DZIP1L: variants seen among roughly 807,000 people sequenced by gnomAD.
DZIP1L encodes DAZ interacting zinc finger protein 1 like, also known as cilium assembly protein DZIP1L.
Under a neutral mutation model 88.7 loss-of-function variants are expected in DZIP1L, and 90 were observed. The observed-to-expected ratio is 1.02, with a 90% CI of 0.86 to 1.21. The LOEUF is 1.21. Among genes scored for constraint, DZIP1L ranks in the 50% most tolerant of loss-of-function variants. The pLI is 0.00. For synonymous variants in DZIP1L, 363 were observed against 372.1 expected (o/e 0.98, Z 0.28); for missense variants, 932 against 955.8 (o/e 0.98, Z 0.33).
At chr3:138,102,904 A>G in intron 2 of DZIP1L, 2 of 592,982 alleles carry the variant, frequency 3.4e-6, no homozygotes. Context: ...CTTCTGGGTC[A>G]CCCTGATGAA....
At chr3:138,066,427 G>T (rs1025662297) in intron 14 of DZIP1L, among the ~76,000 whole-genome samples, 1 of 152,016 alleles carries the variant, frequency 6.6e-6, no homozygotes, top group Admixed American at 6.6e-5. Flanking sequence ...AGCTCTTTCT[G>T]GGGGGAAAAA....
intron 3 of DZIP1L, among the ~76,000 whole-genome samples, chr3:138,095,896 T>A (rs1263766068): frequency 2.0e-5 from 3 of 152,180 alleles, no homozygotes; most frequent in African/African-American, 7.2e-5. Flanking sequence ...AGATTCAGAA[T>A]GAATTATAAA....
intron 2 of DZIP1L, among the ~76,000 whole-genome samples, chr3:138,099,529 A>G (rs1944629199): frequency 6.6e-6 from 1 of 152,178 alleles, no homozygotes; most frequent in African/African-American, 2.4e-5. Context: ...AAGAGTGTCT[A>G]CTATTGTTTG....
At chr3:138,067,272 C>G in intron 14 of DZIP1L, among the ~76,000 whole-genome samples, 1 of 152,212 alleles carries the variant, frequency 6.6e-6, no homozygotes, top group East Asian at 1.9e-4. Flanking sequence ...CAACCTCCCA[C>G]AGTTAACAAT....
chr3:138,079,308 T>C (rs1238058671), intron 10 of DZIP1L, among the ~76,000 whole-genome samples: 6 of 152,188 alleles, frequency 3.9e-5, no homozygotes, highest in Admixed American at 2.6e-4. Context: ...TCCTCAAAAG[T>C]GATACGCAAT....
At chr3:138,069,109 C>T (rs1209787470) in intron 12 of DZIP1L, 1 of 842,326 alleles carries the variant, frequency 1.2e-6, no homozygotes, top group Non-Finnish European at 1.9e-6. Context: ...TTTCTTCCGA[C>T]TCTGCCACCC....
intron 2 of DZIP1L, chr3:138,101,908 C>A (rs1335639108): frequency 1.4e-6 from 2 of 1,454,246 alleles, no homozygotes; most frequent in Non-Finnish European, 1.9e-6. Flanking sequence ...GGCCAGCTCC[C>A]CACGTTGCTC....
intron 11 of DZIP1L, among the ~76,000 whole-genome samples, chr3:138,074,759 G>A (rs1272827923): frequency 6.7e-6 from 1 of 148,582 alleles, no homozygotes; most frequent in Non-Finnish European, 1.5e-5. Context: ...AGGTATTCAG[G>A]CAACAAATAG....
chr3:138,068,600 C>G (rs1353030920), intron 12 of DZIP1L, among the ~76,000 whole-genome samples: 1 of 152,150 alleles, frequency 6.6e-6, no homozygotes, highest in Non-Finnish European at 1.5e-5. Context: ...CAGCTGGGTG[C>G]TCCAGGGTCG....
intron 2 of DZIP1L, chr3:138,101,622 G>A (rs1028356795): frequency 5.9e-5 from 47 of 793,266 alleles, no homozygotes; most frequent in Admixed American, 1.2e-4. Flanking sequence ...AGCCCAGGCC[G>A]TAGCTGAGGC....
At chr3:138,095,251 C>CA (rs905186648) in intron 3 of DZIP1L, among the ~76,000 whole-genome samples, 1 of 151,942 alleles carries the variant, frequency 6.6e-6, no homozygotes, top group Non-Finnish European at 1.5e-5. Context: ...CACGACAGCT[C>CA]AAAAAATGTG....
chr3:138,077,872 C>T (rs1446173246), intron 10 of DZIP1L, among the ~76,000 whole-genome samples: 1 of 152,246 alleles, frequency 6.6e-6, no homozygotes, highest in African/African-American at 2.4e-5. Flanking sequence ...ACCCTCATCT[C>T]GTTTCCATGC....
At chr3:138,114,835 T>C (rs1160886548) in intron 1 of DZIP1L, among the ~76,000 whole-genome samples, 1 of 152,106 alleles carries the variant, frequency 6.6e-6, no homozygotes, top group Non-Finnish European at 1.5e-5. Context: ...AAATACCACG[T>C]CTGCCTCCTG....
rs1297278810 is a variant in DZIP1L at position 138,103,130 on chromosome 3, A to T, written c.501+341T>A. 6.6e-5 allele frequency among the ~76,000 whole-genome samples: 10 copies of T among 151,562 alleles called. No individual in the cohort carries two copies. In the Admixed American group the frequency reaches 6.6e-4, roughly 10 times the overall value. On this transcript the variant is annotated intron_variant, in intron 2 of 15. Coordinates refer to ENST00000327532, the MANE Select transcript of DZIP1L (RefSeq NM_173543.3). ...TTCAAGTATTCACACACACACACAC[A>T]CATTAAACACACACACATGTTCACA...
Position 138,103,030 on chromosome 3 carries a change from CAG to C in DZIP1L, c.501+439_501+440del, listed in dbSNP as rs897249674. 2.2e-4 allele frequency: 97 copies of C among 439,878 alleles called. 4 individuals are homozygous for C. Among genetic ancestry groups the C allele is most frequent in the Non-Finnish European group, 8.4e-6 (2 of 237,934 alleles). 27.2% of individuals were successfully genotyped at this position (439,878 alleles called of 1,614,324 possible). ...TTAATACACCTTTTTATACATGCTC[CAG>C]AGTTGTATCCTTTATAACATAGTAC... On this transcript the variant is annotated intron_variant, in intron 2 of 15. Coordinates refer to ENST00000327532, the MANE Select transcript of DZIP1L (RefSeq NM_173543.3).
intron 2 of DZIP1L, chr3:138,102,286 C>G: frequency 4.9e-6 from 7 of 1,432,378 alleles, no homozygotes; most frequent in Non-Finnish European, 6.9e-6. Flanking sequence ...AGGCGAGACT[C>G]CAGCTCTACC....
intron 11 of DZIP1L, among the ~76,000 whole-genome samples, chr3:138,073,090 G>A (rs1457295105): frequency 3.3e-5 from 5 of 152,092 alleles, no homozygotes; most frequent in African/African-American, 9.7e-5. Flanking sequence ...ACCCGCCCTG[G>A]TAGCTGAAGA....
chr3:138,070,464 T>C (rs1024432563), intron 12 of DZIP1L, among the ~76,000 whole-genome samples: 1 of 152,022 alleles, frequency 6.6e-6, no homozygotes, highest in Non-Finnish European at 1.5e-5. Flanking sequence ...GTTTCCCAGG[T>C]CATCAATACA....
chr3:138,067,249 G>A (rs969109372), intron 14 of DZIP1L, among the ~76,000 whole-genome samples: 1 of 152,214 alleles, frequency 6.6e-6, no homozygotes, highest in Non-Finnish European at 1.5e-5. Flanking sequence ...GAAAAGGGGT[G>A]AATGGCTCCC....
Sources: allele counts gnomAD v4.1 joint callset (sites outside exome capture counted in the v4.1 genomes callset), GRCh38; gene constraint gnomAD v4.1.1; transcripts MANE v1.5; gene names NCBI Gene and HGNC (gene_info 2026-07-23, HGNC 2026-07-21).